Variants in RP1 observed in about 807,000 individuals in gnomAD.
RP1 encodes oxygen-regulated protein 1.
In RP1, 16 loss-of-function variants were observed where a neutral mutation model predicts 14.8. That is an observed-to-expected ratio of 1.08 (90% CI 0.73 to 1.65). RP1 has a LOEUF of 1.65. Ranked by LOEUF, RP1 falls within the 40% of genes most tolerant of loss-of-function variation. The probability of loss-of-function intolerance (pLI) is 0.00; values close to 1 mark genes in which losing one functional copy is unlikely to be tolerated. For missense variants in RP1, 2,631 were observed against 2,535.0 expected, an observed-to-expected ratio of 1.04 and a Z score of -0.81; for synonymous variants, 876 against 883.6, an observed-to-expected ratio of 0.99 and a Z score of 0.15.
chr8:54,662,965 G>A (rs1262523091), intron 6 of RP1, among the ~76,000 whole-genome samples: 2 of 152,080 alleles, frequency 1.3e-5, no homozygotes, highest in African/African-American at 4.8e-5. Context: ...GCTTATCCAT[G>A]GTTTTTCTCT....
chr8:54,667,795 G>A (rs1473458680), intron 7 of RP1, among the ~76,000 whole-genome samples: 2 of 151,982 alleles, frequency 1.3e-5, no homozygotes, highest in African/African-American at 4.8e-5. Flanking sequence ...CCCAGTGATG[G>A]TTTAAAGAGT....
At chr8:54,822,058 G>A (rs545937592) in intron 24 of RP1, among the ~76,000 whole-genome samples, 1 of 152,262 alleles carries the variant, frequency 6.6e-6, no homozygotes, top group African/African-American at 2.4e-5. Flanking sequence ...AACAAGTTGA[G>A]ACTGTGAAAA....
intron 1 of RP1, among the ~76,000 whole-genome samples, chr8:54,585,851 G>A (rs1021293105): frequency 2.0e-5 from 3 of 152,142 alleles, no homozygotes; most frequent in Non-Finnish European, 4.4e-5. Context: ...GCTCCATCAG[G>A]TCCTTTAAGG....
chr8:54,640,363 T>C (rs978760269), intron 3 of RP1, among the ~76,000 whole-genome samples: 5 of 152,228 alleles, frequency 3.3e-5, no homozygotes, highest in Admixed American at 2.0e-4. Context: ...TCTTGATTAC[T>C]GTAGCTTTAT....
Position 54,626,404 on chromosome 8 carries a change from A to C in RP1, c.2522A>C (p.Glu841Ala). The change falls in exon 4 of 4, where the codon GAA becomes GCA. Residue 841 changes from glutamate (E) to alanine (A), a missense_variant. Coordinates refer to ENST00000220676, the MANE Select transcript of RP1 (RefSeq NM_006269.2). ...TTTTATGCACCGCAATCTCAAGCAG[A>C]AGTGGCATCTGGGTATTTGAGAGGA... Reference protein sequence around the residue: ...KDFYAPQSQAEVASGYLRGMA... With the variant: ...KDFYAPQSQAAVASGYLRGMA... The C allele has an allele frequency of 6.2e-7, 1 of 1,613,668 alleles. No individual in the cohort carries two copies. Among genetic ancestry groups the C allele is most frequent in the Non-Finnish European group, 8.5e-7 (1 of 1,179,870 alleles).
chr8:54,697,349 G>A (rs1000034454), intron 12 of RP1, among the ~76,000 whole-genome samples: 9 of 152,156 alleles, frequency 5.9e-5, no homozygotes, highest in Admixed American at 4.6e-4. Flanking sequence ...GAGGTCGGGA[G>A]TTCGAGATCA....
chr8:54,698,571 A>G (rs1807931276), intron 12 of RP1, among the ~76,000 whole-genome samples: 1 of 152,238 alleles, frequency 6.6e-6, no homozygotes, highest in African/African-American at 2.4e-5. Context: ...TCATTCTGCT[A>G]TAAAGACACA....
At chr8:54,673,289 A>G (rs1220740486) in intron 7 of RP1, among the ~76,000 whole-genome samples, 1 of 152,190 alleles carries the variant, frequency 6.6e-6, no homozygotes, top group African/African-American at 2.4e-5. Context: ...TTTAATGGAT[A>G]TGCTACATCA....
rs140222942 is a variant in RP1 at position 54,636,475 on chromosome 8, C to T, written c.788-12510C>T. On this transcript the variant is annotated intron_variant, in intron 3 of 22. Coordinates refer to the RP1 transcript ENST00000636932. Reference sequence around the variant, plus strand: ...ACAGTTGGCTGTGCATGGTGGCTCACGCCTGTAATCCCAGCACTTTGGGAG... The same window carrying T: ...ACAGTTGGCTGTGCATGGTGGCTCATGCCTGTAATCCCAGCACTTTGGGAG... 5.5e-3 allele frequency among the ~76,000 whole-genome samples: 839 copies of T among 152,326 alleles called. 1 individual carries two copies. Among genetic ancestry groups the T allele is most frequent in the Middle Eastern group, 0.01 (3 of 294 alleles).
intron 22 of RP1, among the ~76,000 whole-genome samples, chr8:54,769,276 G>GAAAT (rs1445569941): frequency 6.6e-6 from 1 of 152,104 alleles, no homozygotes; most frequent in African/African-American, 2.4e-5. Context: ...TCTCATAGAG[G>GAAAT]AAATATTAAA....
chr8:54,645,187 TA>T (rs1806520377), intron 3 of RP1, among the ~76,000 whole-genome samples: 1 of 152,184 alleles, frequency 6.6e-6, no homozygotes, highest in African/African-American at 2.4e-5. Flanking sequence ...TGAGTAAAAC[TA>T]CAATGAAAAT....
chr8:54,644,246 C>A (rs1011321408), intron 3 of RP1, among the ~76,000 whole-genome samples: 2 of 152,134 alleles, frequency 1.3e-5, no homozygotes, highest in African/African-American at 4.8e-5. Context: ...AGAAACCTAG[C>A]AAATTTCATT....
intron 7 of RP1, among the ~76,000 whole-genome samples, chr8:54,669,598 T>A (rs998751862): frequency 6.6e-6 from 1 of 152,192 alleles, no homozygotes. Flanking sequence ...TGTGTCACTA[T>A]TCACAATAGC....
At chr8:54,619,714 C>A (rs1805808998) in intron 1 of RP1, among the ~76,000 whole-genome samples, 1 of 152,230 alleles carries the variant, frequency 6.6e-6, no homozygotes, top group Admixed American at 6.5e-5. Flanking sequence ...CATAGCAATG[C>A]TGTCATTCAT....
At chr8:54,706,723 G>A in intron 15 of RP1, 1 of 1,469,084 alleles carries the variant, frequency 6.8e-7, no homozygotes. Context: ...CATGAGAATA[G>A]CACTTTCTGA....
intron 25 of RP1, among the ~76,000 whole-genome samples, chr8:54,842,046 G>C (rs1191728536): frequency 6.6e-6 from 1 of 152,142 alleles, no homozygotes; most frequent in Admixed American, 6.5e-5. Context: ...AAGCCGAAAT[G>C]CCTGCTGACA....
intron 28 of RP1, among the ~76,000 whole-genome samples, chr8:54,867,906 T>C (rs1468800123): frequency 6.6e-6 from 1 of 152,190 alleles, no homozygotes; most frequent in African/African-American, 2.4e-5. Flanking sequence ...TAGTGCTGAA[T>C]AGACACAGAT....
At chr8:54,621,978 C>A in intron 2 of RP1, 139 bp from the exon 3 acceptor site, 2 of 871,438 alleles carry the variant, frequency 2.3e-6, no homozygotes, top group Non-Finnish European at 3.7e-6. Flanking sequence ...TTTGTATACA[C>A]CATTGGTGCC....
chr8:54,722,511 C>A (rs1808561304), intron 16 of RP1, among the ~76,000 whole-genome samples: 1 of 152,034 alleles, frequency 6.6e-6, no homozygotes, highest in African/African-American at 2.4e-5. Flanking sequence ...ACCTCGTGAT[C>A]CGCCCGCCTC....
Sources: gnomAD v4.1 joint callset for allele counts (sites outside exome capture counted in the v4.1 genomes callset) on GRCh38, gnomAD v4.1.1 for gene constraint, MANE v1.5 for transcripts, NCBI Gene and HGNC (gene_info 2026-07-23, HGNC 2026-07-21) for gene names.